The following ASXL3 variants were observed in gnomAD, a reference collection of about 807,000 sequenced individuals.
ASXL3 encodes the protein ASXL transcriptional regulator 3, also known as putative Polycomb group protein ASXL3.
ASXL3 carries 34 observed loss-of-function variants against 170.6 expected under a neutral mutation model. The observed-to-expected ratio is 0.20, with a 90% CI of 0.15 to 0.27. The LOEUF is 0.27. Among genes scored for constraint, ASXL3 ranks in the 10% least tolerant of loss-of-function variants. The pLI, the probability that ASXL3 is intolerant of heterozygous loss-of-function variation, is 1.00. For synonymous variants in ASXL3, 1,002 were observed against 989.1 expected, an observed-to-expected ratio of 1.01 and a Z score of -0.24; for missense variants, 2,592 against 2,695.3, an observed-to-expected ratio of 0.96 and a Z score of 0.85.
chr18:33,648,086 GC>G (rs2065942591), intron 4 of ASXL3, among the ~76,000 whole-genome samples: 1 of 152,054 alleles, frequency 6.6e-6, no homozygotes, highest in African/African-American at 2.4e-5. Flanking sequence ...AGTTATGGGG[GC>G]CAGGTTATAT....
At chr18:33,619,552 T>A (rs2065478024) in intron 2 of ASXL3, among the ~76,000 whole-genome samples, 1 of 152,054 alleles carries the variant, frequency 6.6e-6, no homozygotes, top group Non-Finnish European at 1.5e-5. Flanking sequence ...GGTAAAGATT[T>A]GGGCTTATGG....
intron 1 of ASXL3, among the ~76,000 whole-genome samples, chr18:33,592,479 G>C (rs774932249): frequency 1.1e-3 from 172 of 152,224 alleles, no homozygotes; most frequent in Non-Finnish European, 1.5e-3. Flanking sequence ...CTCACTTGCA[G>C]CTTTTGAGGG....
intron 5 of ASXL3, among the ~76,000 whole-genome samples, chr18:33,669,434 T>C (rs1042996582): frequency 2.0e-5 from 3 of 152,206 alleles, no homozygotes; most frequent in African/African-American, 7.2e-5. Context: ...TCATTTGTAA[T>C]GGATTTCCCA....
intron 4 of ASXL3, 58 bp downstream of exon 4, chr18:33,646,411 G>A: frequency 8.2e-7 from 1 of 1,220,532 alleles, no homozygotes; most frequent in Non-Finnish European, 1.2e-6. Context: ...TATATAGAAT[G>A]CCAATGATTC....
chr18:33,749,204 G>A lies in ASXL3; in HGVS notation c.*2609G>A, dbSNP rs1486432585. 1 of 151,664 alleles carries A rather than the reference G, an allele frequency of 6.6e-6. No homozygotes were observed. The highest frequency in any genetic ancestry group is 1.5e-5 in the Non-Finnish European group (1 of 67,952). The allele number at this position is 151,664 out of a possible 1,614,324, so 9.4% of individuals were successfully genotyped here. A position where few individuals can be genotyped will look rare whatever the true frequency, so the allele number is the denominator to read the frequency against. On this transcript the variant is annotated 3_prime_UTR_variant, in exon 12 of 12. Transcript: ENST00000269197. ...GAAGAGAAATTTAGATGTAAAATGT[G>A]GGTCAGATATTTTATAGGTTTCCAT...
At chr18:33,714,804 T>TGC (rs1362391374) in intron 8 of ASXL3, among the ~76,000 whole-genome samples, 2 of 152,160 alleles carry the variant, frequency 1.3e-5, no homozygotes, top group Non-Finnish European at 2.9e-5. Flanking sequence ...GAAGGACCTG[T>TGC]GCCTGCTCTC....
Position 33,739,102 on chromosome 18 carries a change from G to A in ASXL3, c.1698G>A (p.Glu566=). Residue 566 remains glutamate (E), a synonymous_variant, in exon 11 of 12, where the codon GAG becomes GAA. Coordinates refer to ENST00000269197, the MANE Select transcript of ASXL3 (RefSeq NM_030632.3). ...TEHKESETAV[E]TSTPKIKTGS... is the part of the protein sequence containing the mutation. ...ATAAGGAGTCAGAAACTGCAGTAGA[G>A]ACCAGTACCCCCAAAATAAAAACAG... 6.2e-7 allele frequency: 1 copy of A among 1,613,376 alleles called. No individual in the cohort carries two copies. The highest frequency in any genetic ancestry group is 1.1e-5 in the South Asian group (1 of 90,980).
rs553798650 is a variant in ASXL3, at chr18:33,636,907, G to A, written c.138-7987G>A. Among the ~76,000 whole-genome samples the A allele has an allele frequency of 6.6e-5, 10 of 152,044 alleles. No homozygotes were observed. In the East Asian group the frequency reaches 7.7e-4, roughly 12 times the overall value. Reference sequence around the variant, plus strand: ...GAGTGTTTCCTTTGAGCATCATGTCGGTGCTCAAAAAGTTTCAAATTCTGG... The same window carrying A: ...GAGTGTTTCCTTTGAGCATCATGTCAGTGCTCAAAAAGTTTCAAATTCTGG... On this transcript the variant is annotated intron_variant, in intron 2 of 11. Coordinates refer to ENST00000269197, the MANE Select transcript of ASXL3 (RefSeq NM_030632.3).
At chr18:33,713,169 TTACAA>T (rs1020023404) in intron 8 of ASXL3, among the ~76,000 whole-genome samples, 9 of 150,686 alleles carry the variant, frequency 6.0e-5, no homozygotes, top group African/African-American at 2.2e-4. Context: ...TCAGGGTTTG[TTACAA>T]TACAAGAATG....
intron 2 of ASXL3, among the ~76,000 whole-genome samples, chr18:33,638,331 G>T (rs1426311946): frequency 2.0e-5 from 3 of 151,862 alleles, no homozygotes; most frequent in Non-Finnish European, 4.4e-5. Flanking sequence ...ACAAAATGTT[G>T]GGATTACGGG....
chr18:33,637,029 A>G (rs1450594604), intron 2 of ASXL3, among the ~76,000 whole-genome samples: 2 of 152,126 alleles, frequency 1.3e-5, no homozygotes, highest in Non-Finnish European at 2.9e-5. Flanking sequence ...TTTCAATGCT[A>G]TTTACACTTC....
chr18:33,699,437 C>G (rs545325254), intron 8 of ASXL3, among the ~76,000 whole-genome samples: 1 of 151,996 alleles, frequency 6.6e-6, no homozygotes, highest in Admixed American at 6.6e-5. Context: ...TTTGAACTGG[C>G]AAATGAAAGA....
At chr18:33,663,961 G>T (rs1372085492) in intron 5 of ASXL3, among the ~76,000 whole-genome samples, 1 of 151,922 alleles carries the variant, frequency 6.6e-6, no homozygotes, top group African/African-American at 2.4e-5. Context: ...ATATACATAT[G>T]ATCTGTGTTT....
intron 2 of ASXL3, among the ~76,000 whole-genome samples, chr18:33,634,025 G>A (rs1208533626): frequency 6.6e-6 from 1 of 151,988 alleles, no homozygotes; most frequent in Non-Finnish European, 1.5e-5. Flanking sequence ...CAAAAAGATC[G>A]GGAAGAAATC....
At chr18:33,582,734 GT>G (rs1465437643) in intron 1 of ASXL3, among the ~76,000 whole-genome samples, 22 of 142,742 alleles carry the variant, frequency 1.5e-4, no homozygotes, top group African/African-American at 5.6e-4. Flanking sequence ...GTGTGTGTGT[GT>G]GTGTGTTTTC....
At chr18:33,606,843 G>A (rs1242395508) in intron 1 of ASXL3, among the ~76,000 whole-genome samples, 9 of 151,932 alleles carry the variant, frequency 5.9e-5, no homozygotes, top group Non-Finnish European at 1.0e-4. Context: ...TTAAGTCCCT[G>A]CAAAATAAAG....
At chr18:33,720,526 T>A (rs2067241805) in intron 8 of ASXL3, among the ~76,000 whole-genome samples, 2 of 152,110 alleles carry the variant, frequency 1.3e-5, no homozygotes, top group South Asian at 4.1e-4. Flanking sequence ...AATACAATTA[T>A]AAAACGTTGT....
rs1478922106 is a variant in ASXL3 at position 33,713,229 on chromosome 18, G to GTTTTTTTTTTTTTTTTT, written c.880-18731_880-18730insTTTTTTTTTTTTTTTTT. Among the ~76,000 whole-genome samples the GTTTTTTTTTTTTTTTTT allele has an allele frequency of 3.3e-4, 27 of 81,766 alleles. 8 individuals are homozygous for GTTTTTTTTTTTTTTTTT. The highest frequency in any genetic ancestry group is 5.6e-4 in the African/African-American group (9 of 16,048). The allele number at this position is 81,766 out of a possible 152,430, so 53.6% of individuals were successfully genotyped here. On this transcript the variant is annotated intron_variant, in intron 8 of 11. Coordinates refer to ENST00000269197, the MANE Select transcript of ASXL3 (RefSeq NM_030632.3). ...GCAGTTAGCAATCTACCACAAGAAG[G>GTTTTTTTTTTTTTTTTT]TTTTTTTTGTTTTGTTTTGTTTTTT...
At chr18:33,685,882 C>G (rs1224046606) in intron 8 of ASXL3, among the ~76,000 whole-genome samples, 1 of 152,168 alleles carries the variant, frequency 6.6e-6, no homozygotes, top group African/African-American at 2.4e-5. Flanking sequence ...AGAGATCTGC[C>G]CCCATGAGCC....
Sources: allele counts gnomAD v4.1 joint callset (sites outside exome capture counted in the v4.1 genomes callset), GRCh38; gene constraint gnomAD v4.1.1; transcripts MANE v1.5; gene names NCBI Gene and HGNC (gene_info 2026-07-23, HGNC 2026-07-21).